TYRP1: variants seen among roughly 807,000 people sequenced by gnomAD.
TYRP1 encodes 5,6-dihydroxyindole-2-carboxylic acid oxidase.
Under a neutral mutation model 42.8 loss-of-function variants are expected in TYRP1, and 49 were observed. The ratio of observed to expected loss-of-function variants is 1.14; its 90% CI spans 0.91 to 1.45. The LOEUF (loss-of-function observed/expected upper bound fraction) is 1.45. TYRP1 is among the 40% of genes most tolerant of loss of function. The pLI, the probability that TYRP1 is intolerant of heterozygous loss-of-function variation, is 0.00. For missense variants in TYRP1, 848 were observed against 662.0 expected (o/e 1.28, Z -3.08); for synonymous variants, 279 against 235.4 (o/e 1.19, Z -1.69).
Position 12,698,476 on chromosome 9 carries a change from CCCTT to C in TYRP1, c.739_742del (p.Pro247ThrfsTer18), listed in dbSNP as rs772638423. 4 of 1,613,686 alleles carry C rather than the reference CCCTT, an allele frequency of 2.5e-6. No individual in the cohort carries two copies. The highest frequency in any genetic ancestry group is 3.4e-6 in the Non-Finnish European group (4 of 1,179,746). ...GAAATGTTGCAAGAGCCTTCTTTCT[CCCTT>C]CCTTACTGGAATTTTGCAACGGGGA... is the stretch of plus-strand genomic sequence containing the variant. On this transcript the variant is annotated frameshift_variant, in exon 4 of 8. Transcript: ENST00000388918. LOFTEE classifies it high-confidence loss of function.
At chr9:12,694,426 A>G in intron 2 of TYRP1, 45 bp downstream of exon 2, 2 of 1,605,496 alleles carry the variant, frequency 1.2e-6, no homozygotes, top group Non-Finnish European at 1.7e-6. Context: ...CATGAGACTC[A>G]AGGCTCTTAA....
At chr9:12,694,596 C>T (rs969235034) in intron 2 of TYRP1, 6 of 616,840 alleles carry the variant, frequency 9.7e-6, no homozygotes, top group Non-Finnish European at 1.7e-5. Flanking sequence ...ATATTTTATT[C>T]TGAAACATTT....
chr9:12,695,040 C>A (rs1818053837), intron 2 of TYRP1, among the ~76,000 whole-genome samples: 1 of 151,966 alleles, frequency 6.6e-6, no homozygotes, highest in Non-Finnish European at 1.5e-5. Flanking sequence ...TTTGAACTTT[C>A]AATTCTGTAA....
In TYRP1 at chr9:12,709,250, T is replaced by C. The variant is rs890262465; in HGVS notation, c.*68T>C. The C allele has an allele frequency of 7.0e-7, 1 of 1,433,270 alleles. No individual in the cohort carries two copies. The highest frequency in any genetic ancestry group is 9.8e-7 in the Non-Finnish European group (1 of 1,019,750). 88.8% of individuals were successfully genotyped at this position (1,433,270 alleles called of 1,614,324 possible). On this transcript the variant is annotated 3_prime_UTR_variant, in exon 8 of 8. Coordinates refer to ENST00000388918, the MANE Select transcript of TYRP1 (RefSeq NM_000550.3). The stretch of plus-strand genomic sequence containing the variant: ...TGGTTGAATATAATAGATTGAGTTA[T>C]TAACTGTATTTTCTTTCACTTTATT...
chr9:12,706,644 C>T (rs1440795579), intron 6 of TYRP1, among the ~76,000 whole-genome samples: 1 of 151,968 alleles, frequency 6.6e-6, no homozygotes, highest in African/African-American at 2.4e-5. Flanking sequence ...AATGTAAACA[C>T]TTGCAAACTG....
intron 6 of TYRP1, chr9:12,707,739 G>C (rs1188316250): frequency 5.0e-6 from 2 of 401,712 alleles, no homozygotes; most frequent in Non-Finnish European, 8.8e-6. Context: ...GATCACCATA[G>C]GTGATGAAAT....
At chr9:12,698,877 CT>C (rs962788254) in intron 4 of TYRP1, among the ~76,000 whole-genome samples, 7 of 152,076 alleles carry the variant, frequency 4.6e-5, no homozygotes, top group African/African-American at 1.7e-4. Flanking sequence ...TTTACACTGC[CT>C]TTCTTGAGTA....
chr9:12,700,560 A>ACTT (rs1818150406), intron 4 of TYRP1: 1 of 152,072 alleles, frequency 6.6e-6, no homozygotes, highest in African/African-American at 2.4e-5. Flanking sequence ...ATTCCACAGG[A>ACTT]CTTTGGTCCA....
intron 7 of TYRP1, 124 bp from the exon 8 acceptor site, chr9:12,708,853 G>A (rs1818305005): frequency 1.1e-6 from 1 of 919,194 alleles, no homozygotes; most frequent in Non-Finnish European, 1.7e-6. Flanking sequence ...AAGGCCATGT[G>A]GCCAATGTAA....
At chr9:12,703,743 A>T (rs1047200850) in intron 5 of TYRP1, among the ~76,000 whole-genome samples, 1 of 151,946 alleles carries the variant, frequency 6.6e-6, no homozygotes, top group Non-Finnish European at 1.5e-5. Context: ...TCATTTTATA[A>T]TGCACAACAA....
At chr9:12,701,294 G>C (rs1818163703) in intron 4 of TYRP1, among the ~76,000 whole-genome samples, 1 of 151,628 alleles carries the variant, frequency 6.6e-6, no homozygotes, top group Non-Finnish European at 1.5e-5. Flanking sequence ...CATACTCCAG[G>C]CAAACTATTT....
chr9:12,704,762 A>G, intron 6 of TYRP1, 57 bp downstream of exon 6: 2 of 1,542,948 alleles, frequency 1.3e-6, no homozygotes, highest in Non-Finnish European at 1.8e-6. Flanking sequence ...TTTAGATGGC[A>G]TAGTTATCAG....
rs551127562 is a variant in TYRP1, at chr9:12,700,426, C to G, written c.913+1771C>G. On this transcript the variant is annotated intron_variant, in intron 4 of 7. Coordinates refer to ENST00000388918, the MANE Select transcript of TYRP1 (RefSeq NM_000550.3). ...TTAATATTTTATTGCAGCTAACGTT[C>G]TTCCAGCCACCAAAATACCATCTTT... The G allele has an allele frequency of 6.6e-5, 10 of 152,190 alleles. No individual in the cohort carries two copies. In the South Asian group the frequency reaches 1.0e-3, roughly 16 times the overall value. The allele number at this position is 152,190 out of a possible 1,614,324, so 9.4% of individuals were successfully genotyped here.
In TYRP1 at chr9:12,698,471, T is replaced by C. The variant is rs35866166; in HGVS notation, c.729T>C (p.Ser243=). 0.054 allele frequency: 87,689 copies of C among 1,613,454 alleles called. 2,709 individuals are homozygous for C. Among genetic ancestry groups the C allele is most frequent in the Non-Finnish European group, 0.062 (73,101 of 1,179,506 alleles). Residue 243 remains serine, a synonymous_variant, in exon 4 of 8, where the codon TCT becomes TCC. Coordinates refer to ENST00000388918, the MANE Select transcript of TYRP1 (RefSeq NM_000550.3). ...KDMQEMLQEP[S]FSLPYWNFAT... ...TCTAGGAAATGTTGCAAGAGCCTTCTTTCTCCCTTCCTTACTGGAATTTTG... is the reference window on the plus strand; with the variant it reads ...TCTAGGAAATGTTGCAAGAGCCTTCCTTCTCCCTTCCTTACTGGAATTTTG...
intron 2 of TYRP1, 58 bp from the exon 3 acceptor site, chr9:12,695,457 T>C: frequency 4.6e-6 from 7 of 1,520,556 alleles, no homozygotes; most frequent in Non-Finnish European, 5.5e-6. Flanking sequence ...ATTATGCTCT[T>C]TCTCTACCCA....
Position 12,697,379 on chromosome 9 carries a change from G to A in TYRP1, c.709-1072G>A, listed in dbSNP as rs571107815. Among the ~76,000 whole-genome samples the A allele has an allele frequency of 5.3e-5, 8 of 152,210 alleles. No individual in the cohort carries two copies. The East Asian group carries it at 5.8e-4, about 11-fold the overall frequency. ...AATGTCAGTTGCTGAACCACAAACC[G>A]ATTCTTAATGATCCCTTGGAAGCTG... is the stretch of plus-strand genomic sequence containing the variant. On this transcript the variant is annotated intron_variant, in intron 3 of 7. Coordinates refer to ENST00000388918, the MANE Select transcript of TYRP1 (RefSeq NM_000550.3).
chr9:12,703,853 T>C (rs1818213408), intron 5 of TYRP1, among the ~76,000 whole-genome samples: 2 of 150,922 alleles, frequency 1.3e-5, no homozygotes, highest in African/African-American at 4.9e-5. Context: ...AATCCTTGTT[T>C]TCTCCCTTAT....
At position 12,704,685 on chromosome 9, in the gene TYRP1, G is replaced by A. The variant is rs746050665; in HGVS notation, c.1241G>A (p.Trp414Ter). ...HTFTDAVFDE[W>*]LRRYNADIST... ...TTCACAGATGCAGTCTTTGATGAAT[G>A]GCTGAGGAGATACAATGCTGGTAAG... Residue 414 changes from tryptophan (W) to a stop codon, truncating the protein, a stop_gained, in exon 6 of 8, where the codon TGG (tryptophan) becomes TAG (stop). Coordinates refer to ENST00000388918, the MANE Select transcript of TYRP1 (RefSeq NM_000550.3). LOFTEE classifies it high-confidence loss of function. 6.2e-7 allele frequency: 1 copy of A among 1,612,976 alleles called. No homozygotes were observed. Among genetic ancestry groups the A allele is most frequent in the Admixed American group, 1.7e-5 (1 of 59,874 alleles).
chr9:12,698,806 C>A, intron 4 of TYRP1, 151 bp downstream of exon 4: 1 of 794,428 alleles, frequency 1.3e-6, no homozygotes, highest in Non-Finnish European at 2.0e-6. Context: ...TCATTAAACA[C>A]CTAGAATGTT....
Sources: allele counts gnomAD v4.1 joint callset (sites outside exome capture counted in the v4.1 genomes callset), GRCh38; gene constraint gnomAD v4.1.1; transcripts MANE v1.5; gene names NCBI Gene and HGNC (gene_info 2026-07-23, HGNC 2026-07-21).